STK39: variants seen among roughly 807,000 people sequenced by gnomAD.
The protein encoded by STK39 is serine/threonine kinase 39.
A neutral mutation model predicts 77.8 loss-of-function variants in STK39; 20 were observed. The ratio of observed to expected loss-of-function variants is 0.26; its 90% CI spans 0.18 to 0.37. STK39 has a LOEUF of 0.37. Ranked by LOEUF, STK39 falls within the 10% of genes least tolerant of loss-of-function variation. The pLI is 1.00. For missense variants in STK39, 479 were observed against 656.5 expected, an observed-to-expected ratio of 0.73 and a Z score of 2.95; for synonymous variants, 246 against 234.1, an observed-to-expected ratio of 1.05 and a Z score of -0.47.
chr2:168,059,259 G>A (rs1465519141), intron 14 of STK39, among the ~76,000 whole-genome samples: 1 of 152,134 alleles, frequency 6.6e-6, no homozygotes, highest in East Asian at 1.9e-4. Flanking sequence ...CTCTCCCCTT[G>A]AGTATGAACA....
chr2:168,209,365 C>T (rs1056770972), intron 1 of STK39, among the ~76,000 whole-genome samples: 1 of 152,062 alleles, frequency 6.6e-6, no homozygotes, highest in Non-Finnish European at 1.5e-5. Context: ...AACTTTGAAA[C>T]CTTTCTCTTA....
chr2:168,200,510 C>CAA (rs60528482), intron 1 of STK39, among the ~76,000 whole-genome samples: 10 of 149,234 alleles, frequency 6.7e-5, no homozygotes, highest in Non-Finnish European at 3.0e-5. Flanking sequence ...ACTAAAAATA[C>CAA]AAAAAAAAAA....
At chr2:168,088,194 T>C (rs777653338) in intron 10 of STK39, among the ~76,000 whole-genome samples, 2 of 152,204 alleles carry the variant, frequency 1.3e-5, no homozygotes, top group African/African-American at 2.4e-5. Flanking sequence ...TTTTTCAACA[T>C]ACAAATGTAT....
chr2:168,082,530 C>T (rs1429553275), intron 10 of STK39, among the ~76,000 whole-genome samples: 4 of 152,198 alleles, frequency 2.6e-5, no homozygotes, highest in Non-Finnish European at 4.4e-5. Context: ...TGCTGAACTC[C>T]ATTCTTTTCC....
At chr2:168,206,130 C>A (rs1689735691) in intron 1 of STK39, among the ~76,000 whole-genome samples, 2 of 152,152 alleles carry the variant, frequency 1.3e-5, no homozygotes, top group Non-Finnish European at 2.9e-5. Flanking sequence ...TCGCTGACAG[C>A]AATGTCCTCA....
intron 14 of STK39, among the ~76,000 whole-genome samples, chr2:168,035,700 G>C (rs1256724371): frequency 6.6e-6 from 1 of 152,188 alleles, no homozygotes; most frequent in African/African-American, 2.4e-5. Flanking sequence ...TGCTCAGTAA[G>C]GTTATGATCA....
intron 16 of STK39, among the ~76,000 whole-genome samples, chr2:168,006,022 C>G (rs913053422): frequency 5.9e-5 from 9 of 152,190 alleles, no homozygotes; most frequent in African/African-American, 1.9e-4. Context: ...TGAATGCAGG[C>G]ACCCAGCTCC....
At chr2:168,220,088 T>C (rs1690127895) in intron 1 of STK39, among the ~76,000 whole-genome samples, 1 of 152,118 alleles carries the variant, frequency 6.6e-6, no homozygotes, top group South Asian at 2.1e-4. Context: ...GTGAATAATA[T>C]ATACATTTAT....
At chr2:168,142,281 G>T (rs1176666665) in intron 5 of STK39, among the ~76,000 whole-genome samples, 1 of 151,648 alleles carries the variant, frequency 6.6e-6, no homozygotes, top group African/African-American at 2.4e-5. Context: ...TATATCTGCT[G>T]GAAAAAATAT....
chr2:168,053,205 A>G (rs1685441459), intron 14 of STK39, among the ~76,000 whole-genome samples: 1 of 152,230 alleles, frequency 6.6e-6, no homozygotes, highest in South Asian at 2.1e-4. Flanking sequence ...ACACTTTTTC[A>G]GTAATATAAG....
At chr2:168,189,023 C>A (rs951325299) in intron 1 of STK39, among the ~76,000 whole-genome samples, 1 of 152,100 alleles carries the variant, frequency 6.6e-6, no homozygotes, top group Non-Finnish European at 1.5e-5. Context: ...TGTCCTTCTG[C>A]CTCCGTCAAA....
At chr2:168,217,738 G>A (rs1325370896) in intron 1 of STK39, among the ~76,000 whole-genome samples, 2 of 151,988 alleles carry the variant, frequency 1.3e-5, no homozygotes, top group African/African-American at 4.8e-5. Context: ...GGAAATAATG[G>A]CAAGAAAAAA....
chr2:168,129,851 G>A, intron 8 of STK39, 93 bp from the exon 9 acceptor site: 1 of 1,438,992 alleles, frequency 6.9e-7, no homozygotes, highest in South Asian at 1.2e-5. Flanking sequence ...AGTATTTCTG[G>A]AAGACCAATT....
At chr2:168,009,621 C>A (rs1261138791) in intron 16 of STK39, among the ~76,000 whole-genome samples, 2 of 152,122 alleles carry the variant, frequency 1.3e-5, no homozygotes, top group Non-Finnish European at 2.9e-5. Flanking sequence ...TCCTCTTTAC[C>A]TTATAGAATT....
intron 16 of STK39, among the ~76,000 whole-genome samples, chr2:167,992,476 A>C (rs1326371484): frequency 6.6e-6 from 1 of 152,180 alleles, no homozygotes; most frequent in African/African-American, 2.4e-5. Flanking sequence ...TTATTGACTA[A>C]TGTGGTTCAG....
intron 1 of STK39, among the ~76,000 whole-genome samples, chr2:168,225,170 T>C (rs1690272558): frequency 6.6e-6 from 1 of 152,140 alleles, no homozygotes; most frequent in African/African-American, 2.4e-5. Flanking sequence ...CAAAGCAACC[T>C]TGAGAAATCT....
chr2:168,124,885 A>G (rs1687500643), intron 10 of STK39, among the ~76,000 whole-genome samples: 1 of 152,146 alleles, frequency 6.6e-6, no homozygotes, highest in Non-Finnish European at 1.5e-5. Flanking sequence ...ACAGAAAACC[A>G]AACACTGCAT....
chr2:168,219,499 A>C (rs902214944), intron 1 of STK39, among the ~76,000 whole-genome samples: 26 of 152,196 alleles, frequency 1.7e-4, no homozygotes, highest in South Asian at 1.5e-3. Context: ...CTTGCCTCCT[A>C]CTAAATCATA....
chr2:168,014,729 T>C (rs1211985184), intron 15 of STK39, among the ~76,000 whole-genome samples: 1 of 152,222 alleles, frequency 6.6e-6, no homozygotes, highest in Non-Finnish European at 1.5e-5. Context: ...TAGTCATTCA[T>C]TATCTTTCTA....
Sources: gnomAD v4.1 joint callset for allele counts (sites outside exome capture counted in the v4.1 genomes callset) on GRCh38, gnomAD v4.1.1 for gene constraint, MANE v1.5 for transcripts, NCBI Gene and HGNC (gene_info 2026-07-23, HGNC 2026-07-21) for gene names.